AHCYL2: variants seen among roughly 807,000 people sequenced by gnomAD.
The protein encoded by AHCYL2 is adenosylhomocysteinase like 2, also known as S-adenosylhomocysteine hydrolase-like protein 2.
A neutral mutation model predicts 81.4 loss-of-function variants in AHCYL2; 28 were observed. The observed-to-expected ratio is 0.34, with a 90% CI of 0.25 to 0.47. The LOEUF (loss-of-function observed/expected upper bound fraction) is 0.47. Ranked by LOEUF, AHCYL2 falls within the 20% of genes least tolerant of loss-of-function variation. The pLI, the probability that AHCYL2 is intolerant of heterozygous loss-of-function variation, is 1.00. For synonymous variants in AHCYL2, 272 were observed against 290.2 expected, an observed-to-expected ratio of 0.94 and a Z score of 0.64; for missense variants, 551 against 785.1, an observed-to-expected ratio of 0.70 and a Z score of 3.56.
rs529188291 is a variant in AHCYL2 at position 129,290,656 on chromosome 7, C to T, written c.363+65217C>T. ...TTTTTAAAAAGTGAATGTGGCCGGG[C>T]GTGGTGGCTCACGCCTGTAATCCCA... On this transcript the variant is annotated intron_variant, in intron 1 of 16. Coordinates refer to ENST00000325006, the MANE Select transcript of AHCYL2 (RefSeq NM_015328.4). Among the ~76,000 whole-genome samples, 9 of 151,832 alleles carry T rather than the reference C, an allele frequency of 5.9e-5. No individual in the cohort carries two copies. In the East Asian group the frequency reaches 7.8e-4, roughly 13 times the overall value.
At chr7:129,273,149 G>A (rs1796076844) in intron 1 of AHCYL2, among the ~76,000 whole-genome samples, 1 of 151,862 alleles carries the variant, frequency 6.6e-6, no homozygotes. Context: ...TGATCCATCC[G>A]CCTTAGCCTC....
At chr7:129,373,311 C>T (rs1479888343) in intron 1 of AHCYL2, among the ~76,000 whole-genome samples, 1 of 151,890 alleles carries the variant, frequency 6.6e-6, no homozygotes, top group Non-Finnish European at 1.5e-5. Flanking sequence ...TTTGGGAGGC[C>T]GAGGTGGGCG....
At chr7:129,364,186 T>C (rs575140964) in intron 1 of AHCYL2, among the ~76,000 whole-genome samples, 4 of 152,166 alleles carry the variant, frequency 2.6e-5, no homozygotes, top group Non-Finnish European at 5.9e-5. Flanking sequence ...AATGATCACA[T>C]CACTGCACCT....
In AHCYL2 at chr7:129,413,610, A is replaced by T; in HGVS notation, c.1383A>T (p.Val461=). ...GTTTTTAAGGTAACAAGAATGTGGT[A>T]ACCAGAGAGCACTTGGACCGTATGA... ...VITCTGNKNV[V]TREHLDRMKN... The change falls in exon 12 of 17, where the codon GTA becomes GTT. Residue 461 remains valine (V), a synonymous_variant. Coordinates refer to ENST00000325006, the MANE Select transcript of AHCYL2 (RefSeq NM_015328.4). 1 of 1,614,032 alleles carries T rather than the reference A, an allele frequency of 6.2e-7. No homozygotes were observed. The highest frequency in any genetic ancestry group is 8.5e-7 in the Non-Finnish European group (1 of 1,179,900).
rs145624823 is a variant in AHCYL2 at position 129,240,856 on chromosome 7, A to T, written c.363+15417A>T. Among the ~76,000 whole-genome samples, 182 of 152,226 alleles carry T rather than the reference A, an allele frequency of 1.2e-3. No homozygotes were observed. In the East Asian group the frequency reaches 0.027, roughly 22 times the overall value. ...TGGGACCGAGGAATGTAGGGGGAAG[A>T]TTATGTATTAGATATAGAAAGAGAT... is the stretch of plus-strand genomic sequence containing the variant. On this transcript the variant is annotated intron_variant, in intron 1 of 16. Transcript: ENST00000325006.
At chr7:129,397,870 AT>A (rs1212739533) in intron 5 of AHCYL2, among the ~76,000 whole-genome samples, 13 of 152,210 alleles carry the variant, frequency 8.5e-5, no homozygotes, top group African/African-American at 2.7e-4. Context: ...CACTCTCAGC[AT>A]TTCATTTGTT....
chr7:129,323,475 A>G (rs1031496697), intron 1 of AHCYL2, among the ~76,000 whole-genome samples: 2 of 152,150 alleles, frequency 1.3e-5, no homozygotes, highest in Admixed American at 6.5e-5. Flanking sequence ...ATGGCCCACA[A>G]TATATTTTAT....
At chr7:129,246,833 G>A (rs572645929) in intron 1 of AHCYL2, among the ~76,000 whole-genome samples, 11 of 152,220 alleles carry the variant, frequency 7.2e-5, no homozygotes, top group Admixed American at 6.5e-4. Flanking sequence ...ACAATATGGG[G>A]TCTTTTGTGT....
rs535458879 is a variant in AHCYL2, at chr7:129,261,349, TAGAG to T, written c.363+35913_363+35916del. On this transcript the variant is annotated intron_variant, in intron 1 of 16. Transcript: ENST00000325006. ...AAACATCTACTAAGATAAGGCCAAATAGAGAGTTCTGTGGCAACTGTTAGTTACT... is the reference window on the plus strand; with the variant it reads ...AAACATCTACTAAGATAAGGCCAAATAGTTCTGTGGCAACTGTTAGTTACT... Among the ~76,000 whole-genome samples the T allele has an allele frequency of 6.5e-3, 994 of 152,312 alleles. 11 individuals carry two copies. Among genetic ancestry groups the T allele is most frequent in the African/African-American group, 0.023 (944 of 41,576 alleles).
intron 1 of AHCYL2, among the ~76,000 whole-genome samples, chr7:129,230,881 A>G (rs2150674789): frequency 6.6e-6 from 1 of 152,180 alleles, no homozygotes; most frequent in East Asian, 1.9e-4. Flanking sequence ...CTAAATCTTA[A>G]TCTGTGTTTT....
chr7:129,340,439 T>G (rs1027442958), intron 1 of AHCYL2, among the ~76,000 whole-genome samples: 6 of 151,264 alleles, frequency 4.0e-5, no homozygotes, highest in Non-Finnish European at 5.9e-5. Flanking sequence ...GTGGTGGCAG[T>G]TGCCTATAGT....
intron 1 of AHCYL2, among the ~76,000 whole-genome samples, chr7:129,365,486 T>C (rs1294588468): frequency 6.6e-6 from 1 of 151,960 alleles, no homozygotes; most frequent in Non-Finnish European, 1.5e-5. Context: ...AAATTGGAGT[T>C]ATATAGAGAG....
At chr7:129,240,961 C>T (rs1431881023) in intron 1 of AHCYL2, among the ~76,000 whole-genome samples, 1 of 152,010 alleles carries the variant, frequency 6.6e-6, no homozygotes, top group Non-Finnish European at 1.5e-5. Context: ...TTAAGAATGA[C>T]TTAGGAATTA....
At chr7:129,373,291 A>G (rs1794503352) in intron 1 of AHCYL2, among the ~76,000 whole-genome samples, 1 of 152,104 alleles carries the variant, frequency 6.6e-6, no homozygotes, top group African/African-American at 2.4e-5. Context: ...CACGCCTGTA[A>G]TCCCAGCACT....
chr7:129,278,762 T>C (rs1315085515), intron 1 of AHCYL2, among the ~76,000 whole-genome samples: 2 of 127,284 alleles, frequency 1.6e-5, no homozygotes, highest in Admixed American at 7.7e-5. Flanking sequence ...GTATTGAAGC[T>C]CTTTTTTTTT....
At chr7:129,301,815 T>C (rs760690966) in intron 1 of AHCYL2, among the ~76,000 whole-genome samples, 3 of 152,224 alleles carry the variant, frequency 2.0e-5, no homozygotes, top group Non-Finnish European at 4.4e-5. Context: ...GTTTTGTTCT[T>C]TTTGCCCATG....
At chr7:129,277,193 G>A (rs1182820618) in intron 1 of AHCYL2, among the ~76,000 whole-genome samples, 1 of 151,744 alleles carries the variant, frequency 6.6e-6, no homozygotes, top group African/African-American at 2.4e-5. Flanking sequence ...GTTACAACTT[G>A]GAAAGTTTTG....
chr7:129,427,043 TA>T lies in AHCYL2; in HGVS notation c.1836del (p.Ter612=). ...GPFKPNYYRY[*>X] ...CATCTTTCTTTTTCCCTCCAGGTAT[TA>T]AGTTCCTGTAACTCAAACCAGAATT... On this transcript the variant is annotated frameshift_variant and stop_lost, in exon 17 of 17. Coordinates refer to ENST00000325006, the MANE Select transcript of AHCYL2 (RefSeq NM_015328.4). LOFTEE classifies it high-confidence loss of function. The surrounding 1 kb of genome is among the most constrained non-coding windows in gnomAD (Gnocchi z 5.5). The T allele has an allele frequency of 6.2e-7, 1 of 1,610,578 alleles. No homozygotes were observed. Among genetic ancestry groups the T allele is most frequent in the African/African-American group, 1.3e-5 (1 of 74,940 alleles).
intron 1 of AHCYL2, among the ~76,000 whole-genome samples, chr7:129,325,830 C>G (rs1408593596): frequency 3.3e-5 from 5 of 151,880 alleles, no homozygotes; most frequent in Non-Finnish European, 7.4e-5. Flanking sequence ...CTCAGCCTCC[C>G]GAATAGCTGG....
Sources: allele counts gnomAD v4.1 joint callset (sites outside exome capture counted in the v4.1 genomes callset), GRCh38; gene constraint gnomAD v4.1.1; non-coding constraint Gnocchi (gnomAD v3.1); transcripts MANE v1.5; gene names NCBI Gene and HGNC (gene_info 2026-07-23, HGNC 2026-07-21).